Variants in PCDHGA3 observed in about 807,000 individuals in gnomAD.
PCDHGA3 encodes the protein protocadherin gamma-A3.
Under a neutral mutation model 58.5 loss-of-function variants are expected in PCDHGA3, and 40 were observed. The ratio of observed to expected loss-of-function variants is 0.68; its 90% CI spans 0.53 to 0.89. The LOEUF is 0.89. Ranked by LOEUF, PCDHGA3 falls within the 40% of genes least tolerant of loss-of-function variation. The pLI, the probability that PCDHGA3 is intolerant of heterozygous loss-of-function variation, is 0.00. For synonymous variants in PCDHGA3, 530 were observed against 525.7 expected (o/e 1.01, Z -0.11); for missense variants, 1,223 against 1,195.9 (o/e 1.02, Z -0.33).
At chr5:141,423,660 G>A (rs765304048) in intron 1 of PCDHGA3, 1 of 1,560,482 alleles carries the variant, frequency 6.4e-7, no homozygotes, top group Admixed American at 1.9e-5. Flanking sequence ...CAAGTAATCA[G>A]GTGAGATTTA....
At chr5:141,374,130 T>TCG (rs767453830) in intron 1 of PCDHGA3, 3 of 1,604,204 alleles carry the variant, frequency 1.9e-6, no homozygotes, top group Non-Finnish European at 2.6e-6. Flanking sequence ...CAGGTCCTGC[T>TCG]CCTCACGCTC....
rs777325229 is a variant in PCDHGA3, at chr5:141,403,135, G to A, written c.2424+56678G>A. On this transcript the variant is annotated intron_variant, in intron 1 of 3. Transcript: ENST00000253812. ...CTCTGGAGCCCCGGGAGCTGGCGGA[G>A]CGCCGAGTCCGCATCGTCTCTAGAG... 8 of 1,613,948 alleles carry A rather than the reference G, an allele frequency of 5.0e-6. No homozygotes were observed. The African/African-American group carries it at 8.0e-5, about 16-fold the overall frequency.
chr5:141,422,406 T>C, intron 1 of PCDHGA3: 1 of 1,601,224 alleles, frequency 6.2e-7, no homozygotes, highest in South Asian at 1.1e-5. Context: ...ACCTGCCTTT[T>C]AAATTAGAAA....
At chr5:141,385,448 AC>A (rs1336219074) in intron 1 of PCDHGA3, 2 of 1,449,614 alleles carry the variant, frequency 1.4e-6, no homozygotes, top group Non-Finnish European at 9.1e-7. Flanking sequence ...AAATGAGTTT[AC>A]CAGTTTCCTT....
rs2099417733 is a variant in PCDHGA3, at chr5:141,477,771, G to C, written c.2425-17036G>C. ...ACCCCGGTCCTAGCCACCAACATCAGCGTGAACATATTTGTCACTGATCGC... is the reference window on the plus strand; with the variant it reads ...ACCCCGGTCCTAGCCACCAACATCACCGTGAACATATTTGTCACTGATCGC... On this transcript the variant is annotated intron_variant, in intron 1 of 3. Transcript: ENST00000253812. This position sits in a 1 kb window ranked among gnomAD's most constrained non-coding sequence, Gnocchi z 4.9. 3 of 1,613,992 alleles carry C rather than the reference G, an allele frequency of 1.9e-6. No homozygotes were observed. The highest frequency in any genetic ancestry group is 3.3e-4 in the Middle Eastern group (2 of 6,062).
chr5:141,498,230 C>T (rs2099782452), intron 2 of PCDHGA3, among the ~76,000 whole-genome samples: 1 of 152,200 alleles, frequency 6.6e-6, no homozygotes, highest in African/African-American at 2.4e-5. Flanking sequence ...GATGGTCAGG[C>T]ATACCAGCTT....
At chr5:141,393,142 T>C in intron 1 of PCDHGA3, 1 of 1,613,286 alleles carries the variant, frequency 6.2e-7, no homozygotes, top group Non-Finnish European at 8.5e-7. Flanking sequence ...AACACCCTGG[T>C]TGAGGATAAA....
In PCDHGA3 at chr5:141,421,516, T is replaced by G. The variant is rs199973694; in HGVS notation, c.2425-73291T>G. On this transcript the variant is annotated intron_variant, in intron 1 of 3. Transcript: ENST00000253812. Reference sequence around the variant, plus strand: ...AGGCAGGATAGACCGGGAGGAGCTCTGTGAGACGGTGTCCTCCTGTTTTTT... The same window carrying G: ...AGGCAGGATAGACCGGGAGGAGCTCGGTGAGACGGTGTCCTCCTGTTTTTT... 1.4e-5 allele frequency: 22 copies of G among 1,614,064 alleles called. No homozygotes were observed. The East Asian group carries it at 4.9e-4, about 36-fold the overall frequency.
At chr5:141,348,606 C>T (rs1758149424) in intron 1 of PCDHGA3, among the ~76,000 whole-genome samples, 1 of 152,114 alleles carries the variant, frequency 6.6e-6, no homozygotes, top group Non-Finnish European at 1.5e-5. Flanking sequence ...GTATGGAACC[C>T]ATACAATTCC....
intron 3 of PCDHGA3, among the ~76,000 whole-genome samples, chr5:141,506,564 G>A (rs984395438): frequency 5.3e-5 from 8 of 152,016 alleles, no homozygotes; most frequent in East Asian, 1.9e-4. Context: ...AAACCCCCTC[G>A]GTTTCACTTA....
rs1247382831 is a variant in PCDHGA3 at position 141,388,673 on chromosome 5, G to A, written c.2424+42216G>A. On this transcript the variant is annotated intron_variant, in intron 1 of 3. Transcript: ENST00000253812. ...TGTACCCGGGGACCACGGTGCTACA[G>A]GTGACTGCCACGGACCAGGATGAGG... The A allele has an allele frequency of 2.5e-6, 4 of 1,613,942 alleles. No homozygotes were observed. In the South Asian group the frequency reaches 3.3e-5, roughly 13 times the overall value.
intron 1 of PCDHGA3, chr5:141,361,524 G>A (rs551885796): frequency 1.7e-5 from 27 of 1,613,938 alleles, no homozygotes; most frequent in Non-Finnish European, 2.3e-5. Context: ...ACGTGGCAGA[G>A]AACAATCCTC....
chr5:141,428,587 G>C (rs914718913), intron 1 of PCDHGA3: 6 of 226,650 alleles, frequency 2.6e-5, no homozygotes, highest in Non-Finnish European at 5.3e-5. Flanking sequence ...AGTTTCTCTG[G>C]TAGCAAGCTT....
At chr5:141,427,008 C>G (rs762510673) in intron 1 of PCDHGA3, 145 of 456,786 alleles carry the variant, frequency 3.2e-4, no homozygotes, top group African/African-American at 2.8e-3. Context: ...AGTTTTTAGC[C>G]AGGATGTATA....
At chr5:141,394,467 G>A (rs558211393) in intron 1 of PCDHGA3, 3 of 1,614,238 alleles carry the variant, frequency 1.9e-6, no homozygotes, top group Admixed American at 1.7e-5. Flanking sequence ...GAGCCTGTTC[G>A]TGCTGGACCA....
chr5:141,413,881 G>C (rs774026375), intron 1 of PCDHGA3: 5 of 1,613,400 alleles, frequency 3.1e-6, no homozygotes, highest in Non-Finnish European at 4.2e-6. Context: ...CAGTGTGACT[G>C]TCTTCGATGC....
chr5:141,352,599 A>G, intron 1 of PCDHGA3: 2 of 1,613,758 alleles, frequency 1.2e-6, no homozygotes, highest in Non-Finnish European at 1.7e-6. Context: ...CTGTGTGATG[A>G]TCCTTCTATG....
At chr5:141,392,871 C>T (rs2092620267) in intron 1 of PCDHGA3, 2 of 1,613,280 alleles carry the variant, frequency 1.2e-6, no homozygotes, top group Admixed American at 1.7e-5. Flanking sequence ...GTGCGCGCTG[C>T]TGGGAACGCT....
chr5:141,434,506 T>C (rs2154556236), intron 1 of PCDHGA3, among the ~76,000 whole-genome samples: 2 of 152,344 alleles, frequency 1.3e-5, no homozygotes, highest in East Asian at 3.9e-4. Context: ...GGCAGAAAAC[T>C]GCTTAAAGGT....
Sources: allele counts gnomAD v4.1 joint callset (sites outside exome capture counted in the v4.1 genomes callset), GRCh38; gene constraint gnomAD v4.1.1; non-coding constraint Gnocchi (gnomAD v3.1); transcripts MANE v1.5; gene names NCBI Gene and HGNC (gene_info 2026-07-23, HGNC 2026-07-21).